JAKMIP2: variants seen among roughly 807,000 people sequenced by gnomAD.
JAKMIP2 encodes janus kinase and microtubule-interacting protein 2.
JAKMIP2 carries 25 observed loss-of-function variants against 115.0 expected under a neutral mutation model. The observed-to-expected ratio is 0.22, with a 90% CI of 0.16 to 0.30. The LOEUF (loss-of-function observed/expected upper bound fraction) is 0.30. JAKMIP2 is among the 10% of genes least tolerant of loss of function. The probability of loss-of-function intolerance (pLI) is 1.00; values close to 1 mark genes in which losing one functional copy is unlikely to be tolerated. For missense variants in JAKMIP2, 642 were observed against 957.6 expected, an observed-to-expected ratio of 0.67 and a Z score of 4.35; for synonymous variants, 334 against 343.6, an observed-to-expected ratio of 0.97 and a Z score of 0.31.
At chr5:147,710,974 A>G (rs1230479577) in intron 1 of JAKMIP2, among the ~76,000 whole-genome samples, 1 of 152,240 alleles carries the variant, frequency 6.6e-6, no homozygotes, top group East Asian at 1.9e-4. Context: ...TCCTATTTAA[A>G]CCAAAAGTCT....
At chr5:147,743,877 T>C (rs1754240428) in intron 1 of JAKMIP2, among the ~76,000 whole-genome samples, 1 of 152,142 alleles carries the variant, frequency 6.6e-6, no homozygotes, top group Non-Finnish European at 1.5e-5. Flanking sequence ...GCTGGCATTT[T>C]TCCAAGGCTA....
intron 5 of JAKMIP2, among the ~76,000 whole-genome samples, chr5:147,647,955 T>C (rs563967080): frequency 4.6e-5 from 7 of 152,128 alleles, no homozygotes; most frequent in Non-Finnish European, 7.4e-5. Flanking sequence ...TTGAATACTA[T>C]AGAGAAATGA....
intron 1 of JAKMIP2, among the ~76,000 whole-genome samples, chr5:147,709,852 A>G (rs1009291725): frequency 1.3e-5 from 2 of 152,314 alleles, no homozygotes; most frequent in South Asian, 2.1e-4. Context: ...TCCATCTCAA[A>G]AAAAACAAAC....
Position 147,590,090 on chromosome 5 carries a change from A to G in JAKMIP2, c.*1617T>C, listed in dbSNP as rs931183527. 34 of 152,338 alleles carry G rather than the reference A, an allele frequency of 2.2e-4. No homozygotes were observed. The highest frequency in any genetic ancestry group is 8.2e-4 in the African/African-American group (34 of 41,570). The allele number at this position is 152,338 out of a possible 1,614,324, so 9.4% of individuals were successfully genotyped here. On this transcript the variant is annotated 3_prime_UTR_variant, in exon 22 of 22. Transcript: ENST00000616793. ...ATGTAAGAACAAAAAGTGGGACCCC[A>G]GCATTCTAGTTTTTATTGTACATTC...
intron 5 of JAKMIP2, 48 bp downstream of exon 5, chr5:147,648,328 A>C: frequency 1.1e-6 from 1 of 937,034 alleles, no homozygotes; most frequent in Non-Finnish European, 1.8e-6. Flanking sequence ...TAATTCTGTA[A>C]CATAATGCTT....
chr5:147,591,503 G>T lies in JAKMIP2; in HGVS notation c.*204C>A. ...CAGCATATATTGTAGATTTTCAACA[G>T]GGTTGTGTAGGAACTGTCAAGTAAG... On this transcript the variant is annotated 3_prime_UTR_variant, in exon 22 of 22. Coordinates refer to ENST00000616793, the MANE Select transcript of JAKMIP2 (RefSeq NM_001270941.2). The T allele has an allele frequency of 1.5e-6, 1 of 667,968 alleles. No homozygotes were observed. The highest frequency in any genetic ancestry group is 1.8e-5 in the South Asian group (1 of 54,280). The allele number at this position is 667,968 out of a possible 1,614,324, so 41.4% of individuals were successfully genotyped here.
At position 147,640,812 on chromosome 5, in the gene JAKMIP2, C is replaced by G. The variant is rs1327448403; in HGVS notation, c.1293G>C (p.Leu431Phe). The G allele has an allele frequency of 6.2e-7, 1 of 1,612,416 alleles. No individual in the cohort carries two copies. ...CCTCATCATAGCCAATAAACGGGTC[C>G]AAAACAGGCCTCTAAATGGAGGGAA... ...RSSKPIKRPV[L>F]DPFIGYDEDS... Residue 431 changes from leucine (L) to phenylalanine (F), a missense_variant, in exon 9 of 22, where the codon TTG becomes TTC. Leu to Phe is a conservative substitution (Grantham distance 22). Transcript: ENST00000616793.
chr5:147,675,782 CATTTTT>C (rs1193085628), intron 1 of JAKMIP2, among the ~76,000 whole-genome samples: 3,806 of 126,672 alleles, frequency 0.03, 70 homozygotes, highest in African/African-American at 0.08. Context: ...AATCATATGA[CATTTTT>C]TTTTTTTTTT....
At chr5:147,735,019 G>C (rs1223204855) in intron 1 of JAKMIP2, among the ~76,000 whole-genome samples, 10 of 152,262 alleles carry the variant, frequency 6.6e-5, no homozygotes, top group Non-Finnish European at 8.8e-5. Context: ...TTGCAAGAAT[G>C]CAAACAGAGG....
intron 15 of JAKMIP2, among the ~76,000 whole-genome samples, chr5:147,629,110 AAC>A (rs1465099705): frequency 6.6e-6 from 1 of 152,202 alleles, no homozygotes; most frequent in African/African-American, 2.4e-5. Context: ...TGGAATAAAA[AAC>A]AGTCTCTTCA....
intron 18 of JAKMIP2, among the ~76,000 whole-genome samples, chr5:147,618,754 AAAAC>A (rs1167314451): frequency 3.9e-5 from 6 of 152,144 alleles, no homozygotes; most frequent in African/African-American, 9.7e-5. Flanking sequence ...ACAGCAACAA[AAAAC>A]AAACAAACAA....
At position 147,650,524 on chromosome 5, in the gene JAKMIP2, G is replaced by A. The variant is rs765325522; in HGVS notation, c.651C>T (p.Asp217=). 1 of 1,613,168 alleles carries A rather than the reference G, an allele frequency of 6.2e-7. No homozygotes were observed. The highest frequency in any genetic ancestry group is 1.1e-5 in the South Asian group (1 of 91,042). Residue 217 remains aspartate (D), a synonymous_variant, in exon 4 of 22, where the codon GAC becomes GAT. Transcript: ENST00000616793. The part of the protein sequence containing the change: ...RRLMDEIKAK[D]RIIFSLEKEL... ...CCTTTTCCAGGGAAAAGATGATCCT[G>A]TCCTTGGCTTTGATTTCATCCATCT...
At chr5:147,694,236 C>T (rs551565801) in intron 1 of JAKMIP2, among the ~76,000 whole-genome samples, 1 of 152,104 alleles carries the variant, frequency 6.6e-6, no homozygotes, top group African/African-American at 2.4e-5. Context: ...TTAGAAAAAA[C>T]CCCTTTAATG....
intron 1 of JAKMIP2, among the ~76,000 whole-genome samples, chr5:147,751,256 G>GTTTTTTTTTT (rs59032563): frequency 3.8e-5 from 5 of 131,596 alleles, no homozygotes; most frequent in East Asian, 2.3e-4. Flanking sequence ...TTTTGTTGTT[G>GTTTTTTTTTT]TTTTTTTTTT....
At chr5:147,725,307 T>C (rs762763667) in intron 1 of JAKMIP2, among the ~76,000 whole-genome samples, 1 of 152,008 alleles carries the variant, frequency 6.6e-6, no homozygotes, top group Non-Finnish European at 1.5e-5. Flanking sequence ...AAAGAAGTAA[T>C]TTTAAGTATA....
chr5:147,724,206 T>G (rs184153804), intron 1 of JAKMIP2, among the ~76,000 whole-genome samples: 4 of 152,200 alleles, frequency 2.6e-5, no homozygotes, highest in Non-Finnish European at 5.9e-5. Context: ...ACCTTAAATT[T>G]GTTTTTATTC....
intron 1 of JAKMIP2, among the ~76,000 whole-genome samples, chr5:147,755,305 G>A (rs368362497): frequency 6.6e-6 from 1 of 152,072 alleles, no homozygotes. Flanking sequence ...TATACATATT[G>A]ATTGATGTCT....
In JAKMIP2 at chr5:147,650,352, G is replaced by A. The variant is rs753196984; in HGVS notation, c.823C>T (p.His275Tyr). ...IPGRAGDGSE[H>Y]CSSPDLRRNQ... ...AATGGACTTACAGGACTGCTGCAGT[G>A]TTCGGAACCATCACCTGCCCTTCCT... Residue 275 changes from histidine (H) to tyrosine (Y), a missense_variant, in exon 4 of 22, where the codon CAC (histidine) becomes TAC (tyrosine). This residue lies in a region of JAKMIP2 where 439 missense variants were observed against 570.9 expected (regional missense o/e 0.77). Coordinates refer to ENST00000616793, the MANE Select transcript of JAKMIP2 (RefSeq NM_001270941.2). 1 of 1,608,472 alleles carries A rather than the reference G, an allele frequency of 6.2e-7. No homozygotes were observed. The highest frequency in any genetic ancestry group is 8.5e-7 in the Non-Finnish European group (1 of 1,174,898).
chr5:147,680,884 A>C (rs777841634), intron 1 of JAKMIP2, among the ~76,000 whole-genome samples: 22 of 152,210 alleles, frequency 1.4e-4, no homozygotes, highest in Non-Finnish European at 2.5e-4. Context: ...TTAATCCATT[A>C]CATGTCAGTT....
Sources: allele counts gnomAD v4.1 joint callset (sites outside exome capture counted in the v4.1 genomes callset), GRCh38; gene constraint gnomAD v4.1.1; regional missense constraint gnomAD v4.1.1; transcripts MANE v1.5; gene names NCBI Gene and HGNC (gene_info 2026-07-23, HGNC 2026-07-21).